HYDIN: variants seen among roughly 807,000 people sequenced by gnomAD.
HYDIN encodes the protein HYDIN axonemal central pair apparatus protein, also known as axonemal central pair apparatus protein HYDIN.
HYDIN carries 132 observed loss-of-function variants against 403.9 expected under a neutral mutation model. The ratio of observed to expected loss-of-function variants is 0.33; its 90% CI spans 0.28 to 0.38. The LOEUF (loss-of-function observed/expected upper bound fraction) is 0.38. HYDIN is among the 10% of genes least tolerant of loss of function. HYDIN has a pLI of 1.00. For synonymous variants in HYDIN, 1,202 were observed against 1,891.7 expected (o/e 0.64, Z 9.46); for missense variants, 2,827 against 5,009.5 (o/e 0.56, Z 13.15).
chr16:70,932,485 T>G (rs998067268), intron 45 of HYDIN, among the ~76,000 whole-genome samples: 18 of 152,040 alleles, frequency 1.2e-4, no homozygotes, highest in Admixed American at 3.3e-4. Flanking sequence ...TTCATGAGGC[T>G]TATATTTTGC....
intron 18 of HYDIN, among the ~76,000 whole-genome samples, chr16:71,045,253 G>A (rs1224145839): frequency 3.3e-5 from 5 of 152,270 alleles, no homozygotes; most frequent in African/African-American, 9.6e-5. Flanking sequence ...TAGCTTTGTT[G>A]CTCCCCAGTT....
intron 83 of HYDIN, among the ~76,000 whole-genome samples, chr16:70,824,554 G>A (rs8044627): frequency 3.3e-5 from 5 of 151,124 alleles, no homozygotes; most frequent in African/African-American, 7.3e-5. Context: ...TTGAGACAGG[G>A]TCTTGCTCTG....
intron 80 of HYDIN, among the ~76,000 whole-genome samples, chr16:70,831,470 C>G (rs2036979030): frequency 7.3e-6 from 1 of 136,408 alleles, no homozygotes; most frequent in Admixed American, 7.7e-5. Context: ...GATCATGCCA[C>G]TGCACTCCAG....
chr16:70,832,696 G>C, intron 80 of HYDIN, 152 bp downstream of exon 80: 2 of 610,716 alleles, frequency 3.3e-6, no homozygotes, highest in Non-Finnish European at 5.8e-6. Context: ...ACCAAATGAA[G>C]AGGGGAGAAT....
intron 12 of HYDIN, chr16:71,087,641 TG>T: frequency 7.4e-6 from 1 of 134,934 alleles, no homozygotes; most frequent in Non-Finnish European, 1.6e-5. Flanking sequence ...AGATTCTGAA[TG>T]TATAGTATAT....
intron 1 of HYDIN, among the ~76,000 whole-genome samples, chr16:71,220,684 A>C (rs1406681456): frequency 6.6e-6 from 1 of 152,232 alleles, no homozygotes; most frequent in African/African-American, 2.4e-5. Context: ...AAAATTATTA[A>C]GAATAGTTAC....
chr16:71,070,181 C>T (rs180733122), intron 13 of HYDIN, among the ~76,000 whole-genome samples: 1 of 152,330 alleles, frequency 6.6e-6, no homozygotes, highest in Admixed American at 6.5e-5. Context: ...TGAGACTCCT[C>T]TCTTAAGAGA....
intron 7 of HYDIN, among the ~76,000 whole-genome samples, chr16:71,139,095 GAAAAAAAAAAAAA>G (rs71758936): frequency 2.2e-4 from 23 of 103,814 alleles, no homozygotes; most frequent in Non-Finnish European, 3.8e-4. Flanking sequence ...AAATAAAGAA[GAAAAAAAAAAAAA>G]AAAAAAAAAG....
intron 7 of HYDIN, among the ~76,000 whole-genome samples, chr16:71,150,049 C>G (rs2085479352): frequency 7.0e-6 from 1 of 143,276 alleles, no homozygotes; most frequent in Admixed American, 7.1e-5. Context: ...ATTTCAAATC[C>G]AAAAATCACA....
chr16:70,891,257 C>T (rs1434403663), intron 57 of HYDIN, among the ~76,000 whole-genome samples: 2 of 152,096 alleles, frequency 1.3e-5, no homozygotes, highest in South Asian at 2.1e-4. Flanking sequence ...GGCGCGATCT[C>T]GGCTCACTGC....
chr16:70,948,670 A>G (rs1313349571), intron 41 of HYDIN, among the ~76,000 whole-genome samples: 2 of 151,518 alleles, frequency 1.3e-5, no homozygotes, highest in Non-Finnish European at 1.5e-5. Context: ...CACTTCTCAA[A>G]AGAAGACATT....
chr16:71,045,585 C>T (rs1205536512), intron 18 of HYDIN, among the ~76,000 whole-genome samples: 4 of 144,162 alleles, frequency 2.8e-5, no homozygotes, highest in Admixed American at 7.0e-5. Flanking sequence ...GAGTCATCAC[C>T]TTCTCAAGAC....
chr16:71,066,491 T>C (rs2082272014), intron 15 of HYDIN: 1 of 160,470 alleles, frequency 6.2e-6, no homozygotes, highest in African/African-American at 2.4e-5. Flanking sequence ...CATATTAGCA[T>C]GATTATCAGT....
At chr16:71,096,911 TGGGG>T (rs1223903972) in intron 10 of HYDIN, among the ~76,000 whole-genome samples, 1 of 102,732 alleles carries the variant, frequency 9.7e-6, no homozygotes, top group South Asian at 3.4e-4. Flanking sequence ...AGCTGGCGAC[TGGGG>T]GGCATTAGTA....
intron 18 of HYDIN, among the ~76,000 whole-genome samples, chr16:71,032,307 GTTTT>G (rs11406376): frequency 7.9e-6 from 1 of 126,436 alleles, no homozygotes; most frequent in Non-Finnish European, 1.7e-5. Context: ...TTTCCTTTTT[GTTTT>G]TTTTTTTTTT....
chr16:71,045,046 T>C (rs552420103), intron 18 of HYDIN, among the ~76,000 whole-genome samples: 1 of 151,992 alleles, frequency 6.6e-6, no homozygotes, highest in African/African-American at 2.4e-5. Flanking sequence ...CAACCAAAAG[T>C]CCAGACATTT....
At chr16:71,041,832 A>G (rs2081296841) in intron 18 of HYDIN, among the ~76,000 whole-genome samples, 1 of 151,982 alleles carries the variant, frequency 6.6e-6, no homozygotes, top group Admixed American at 6.6e-5. Flanking sequence ...AAATAACTCA[A>G]CTTAAAAGGA....
intron 1 of HYDIN, among the ~76,000 whole-genome samples, chr16:71,188,120 G>A (rs756495774): frequency 5.3e-5 from 8 of 152,036 alleles, no homozygotes; most frequent in Non-Finnish European, 1.2e-4. Context: ...CTATTCTCAA[G>A]TTATTTATTT....
rs777938918 is a variant in HYDIN at position 70,863,207 on chromosome 16, T to C, written c.11472-25A>G. ...CCTGCAAATCGATCAGGGAGCAGAT[T>C]TGAGAAATGTGCTGCAGGTGGTTTT... is the stretch of plus-strand genomic sequence containing the variant. On this transcript the variant is annotated intron_variant, in intron 67 of 85. Transcript: ENST00000393567. 3.1e-6 allele frequency: 5 copies of C among 1,606,808 alleles called. No individual in the cohort carries two copies. In the East Asian group the frequency reaches 1.1e-4, roughly 36 times the overall value.
Sources: allele counts gnomAD v4.1 joint callset (sites outside exome capture counted in the v4.1 genomes callset), GRCh38; gene constraint gnomAD v4.1.1; transcripts MANE v1.5; gene names NCBI Gene and HGNC (gene_info 2026-07-23, HGNC 2026-07-21).